Variants in CLPTM1 observed in about 807,000 individuals in gnomAD.
CLPTM1 encodes putative lipid scramblase CLPTM1.
Under a neutral mutation model 77.3 loss-of-function variants are expected in CLPTM1, and 21 were observed. The ratio of observed to expected loss-of-function variants is 0.27; its 90% CI spans 0.19 to 0.39. The LOEUF (loss-of-function observed/expected upper bound fraction) is 0.39. Among genes scored for constraint, CLPTM1 ranks in the 10% least tolerant of loss-of-function variants. The pLI is 1.00. For missense variants in CLPTM1, 642 were observed against 921.2 expected (o/e 0.70, Z 3.92); for synonymous variants, 373 against 381.0 (o/e 0.98, Z 0.24).
At chr19:44,957,470 A>G (rs1208905192) in intron 1 of CLPTM1, among the ~76,000 whole-genome samples, 1 of 152,246 alleles carries the variant, frequency 6.6e-6, no homozygotes, top group Non-Finnish European at 1.5e-5. Flanking sequence ...GCGGATCTTG[A>G]AACAGAGGCT....
In CLPTM1 at chr19:44,992,848, A is replaced by G; in HGVS notation, c.1961A>G (p.Glu654Gly). ...KPTQGASSAS[E>G]PQEAPPKPAE... ...ACCCAGGGGGCCAGCTCTGCCAGCGAGCCCCAGGAAGCCCCTCCAAAGCCA... is the reference window on the plus strand; with the variant it reads ...ACCCAGGGGGCCAGCTCTGCCAGCGGGCCCCAGGAAGCCCCTCCAAAGCCA... The change falls in exon 14 of 14, where the codon GAG becomes GGG. Residue 654 changes from glutamate to glycine, a missense_variant. Glu to Gly is a moderately conservative substitution (Grantham distance 98). Around this residue, in one of 2 missense-constraint regions of CLPTM1, gnomAD observed 521 missense variants for 800.4 expected, o/e 0.65. Transcript: ENST00000337392. This position sits in a 1 kb window ranked among gnomAD's most constrained non-coding sequence, Gnocchi z 7.7. 6.2e-7 allele frequency: 1 copy of G among 1,613,752 alleles called. No homozygotes were observed.
rs778147047 is a variant in CLPTM1, at chr19:44,991,384, C to T, written c.1555+11C>T. The T allele has an allele frequency of 7.5e-6, 12 of 1,609,458 alleles. No homozygotes were observed. The highest frequency in any genetic ancestry group is 3.3e-5 in the Admixed American group (2 of 60,008). ...TCCTGCTGACCTTCGGTGAGCGGTC[C>T]GGCCGCCCCAGGAGAGAGCAGGCCC... On this transcript the variant is annotated intron_variant, in intron 12 of 13. Coordinates refer to ENST00000337392, the MANE Select transcript of CLPTM1 (RefSeq NM_001294.4). This position sits in a 1 kb window ranked among gnomAD's most constrained non-coding sequence, Gnocchi z 5.4.
At position 44,993,124 on chromosome 19, in the gene CLPTM1, G is replaced by A. The variant is rs73938298; in HGVS notation, c.*227G>A. 6.0e-3 allele frequency: 2,966 copies of A among 491,222 alleles called. 50 individuals carry two copies. Among genetic ancestry groups the A allele is most frequent in the African/African-American group, 0.046 (2,179 of 47,104 alleles). 30.4% of individuals were successfully genotyped at this position (491,222 alleles called of 1,614,324 possible). On this transcript the variant is annotated 3_prime_UTR_variant, in exon 14 of 14. Coordinates refer to ENST00000337392, the MANE Select transcript of CLPTM1 (RefSeq NM_001294.4). ...GTCCCTCTGTGTTTCCAGCCATCTC[G>A]CCCTGCCAGCCCAGCACCACTGGGA...
chr19:44,962,290 G>A (rs1970556924), intron 2 of CLPTM1, among the ~76,000 whole-genome samples: 2 of 151,810 alleles, frequency 1.3e-5, no homozygotes, highest in African/African-American at 4.8e-5. Context: ...ACCTGTTCTG[G>A]TTTTTGGGGG....
intron 1 of CLPTM1, among the ~76,000 whole-genome samples, chr19:44,956,751 G>C (rs1212834239): frequency 6.6e-6 from 1 of 152,124 alleles, no homozygotes; most frequent in Non-Finnish European, 1.5e-5. Flanking sequence ...TGTTCTCATT[G>C]CCCTGAGCTT....
At chr19:44,962,668 C>G (rs1166432163) in intron 2 of CLPTM1, among the ~76,000 whole-genome samples, 1 of 152,066 alleles carries the variant, frequency 6.6e-6, no homozygotes, top group African/African-American at 2.4e-5. Flanking sequence ...AATGACTCAC[C>G]CTCATAATCC....
chr19:44,961,648 C>T (rs755886911), intron 1 of CLPTM1, among the ~76,000 whole-genome samples: 2 of 152,160 alleles, frequency 1.3e-5, no homozygotes, highest in Non-Finnish European at 2.9e-5. Context: ...CTCAGGGCTC[C>T]TGCATTCCTG....
chr19:44,986,207 AAG>A (rs1162933873), intron 6 of CLPTM1, among the ~76,000 whole-genome samples: 7 of 151,656 alleles, frequency 4.6e-5, no homozygotes, highest in Admixed American at 4.6e-4. Flanking sequence ...AAAAGAAAGA[AAG>A]AAAAGAAGCT....
chr19:44,974,408 C>T (rs758103078), intron 3 of CLPTM1, 31 bp from the exon 4 acceptor site: 55 of 1,596,302 alleles, frequency 3.4e-5, no homozygotes, highest in Non-Finnish European at 4.4e-5. Context: ...GAAGAGCAGG[C>T]CTGAGCTCTG....
At chr19:44,957,844 G>A (rs111837823) in intron 1 of CLPTM1, among the ~76,000 whole-genome samples, 129 of 152,340 alleles carry the variant, frequency 8.5e-4, no homozygotes, top group African/African-American at 2.8e-3. Flanking sequence ...TGCGAATTGA[G>A]TCTACTCCAT....
intron 9 of CLPTM1, among the ~76,000 whole-genome samples, chr19:44,988,542 G>A (rs575021446): frequency 6.6e-6 from 1 of 152,370 alleles, no homozygotes; most frequent in East Asian, 1.9e-4. Context: ...AGTGGACGGG[G>A]CCTGCCCAAG....
chr19:44,987,291 G>A lies in CLPTM1; in HGVS notation c.906G>A (p.Pro302=), dbSNP rs752486866. ...YPINESLASL[P]LRVSFCPLSL... Reference sequence around the variant, plus strand: ...TCAACGAGAGCCTGGCCAGCCTGCCGCTCCGCGTCTCCTTCTGCCCACTCT... The same window carrying A: ...TCAACGAGAGCCTGGCCAGCCTGCCACTCCGCGTCTCCTTCTGCCCACTCT... The change falls in exon 8 of 14, where the codon CCG becomes CCA. Residue 302 remains proline (P), a synonymous_variant. Coordinates refer to ENST00000337392, the MANE Select transcript of CLPTM1 (RefSeq NM_001294.4). 3.2e-5 allele frequency: 52 copies of A among 1,614,256 alleles called. No homozygotes were observed. The highest frequency in any genetic ancestry group is 3.9e-5 in the Non-Finnish European group (46 of 1,180,042).
intron 6 of CLPTM1, 57 bp downstream of exon 6, chr19:44,985,360 A>C (rs2122319365): frequency 9.2e-4 from 1,107 of 1,199,282 alleles, no homozygotes; most frequent in Non-Finnish European, 1.2e-3. Context: ...TTCACAGCTC[A>C]TCCCAGACCA....
upstream of CLPTM1, chr19:44,954,628 C>G (rs1204662287): frequency 1.9e-6 from 2 of 1,078,856 alleles, no homozygotes; most frequent in Admixed American, 9.7e-5. Context: ...GGGTTTAGAG[C>G]TGTACGAAGA....
At chr19:44,989,610 G>A (rs1229825241) in intron 9 of CLPTM1, among the ~76,000 whole-genome samples, 1 of 152,152 alleles carries the variant, frequency 6.6e-6, no homozygotes, top group East Asian at 1.9e-4. Flanking sequence ...GGGGTAGGGT[G>A]CACATGGACC....
At chr19:44,981,771 C>G (rs1163774157) in intron 5 of CLPTM1, among the ~76,000 whole-genome samples, 1 of 151,356 alleles carries the variant, frequency 6.6e-6, no homozygotes, top group South Asian at 2.1e-4. Context: ...ATTAGCCAGG[C>G]ATGGTGGCAC....
intron 2 of CLPTM1, among the ~76,000 whole-genome samples, chr19:44,963,778 C>G (rs1970583286): frequency 6.6e-6 from 1 of 152,018 alleles, no homozygotes. Flanking sequence ...GCCACCATGC[C>G]CAGCTAATTT....
At chr19:44,986,994 C>A in intron 7 of CLPTM1, 185 bp from the exon 8 acceptor site, 1 of 737,296 alleles carries the variant, frequency 1.4e-6, no homozygotes, top group Non-Finnish European at 2.2e-6. Context: ...CCTGCCTGCC[C>A]TTTGCCTCAG....
chr19:44,965,328 T>C (rs1261133029), intron 2 of CLPTM1, among the ~76,000 whole-genome samples: 3 of 149,654 alleles, frequency 2.0e-5, no homozygotes, highest in Non-Finnish European at 4.4e-5. Flanking sequence ...TGAAACCCCA[T>C]CTCTACTAAA....
Sources: gnomAD v4.1 joint callset for allele counts (sites outside exome capture counted in the v4.1 genomes callset) on GRCh38, gnomAD v4.1.1 for gene constraint, gnomAD v4.1.1 regional missense constraint, Gnocchi (gnomAD v3.1) non-coding constraint, MANE v1.5 for transcripts, NCBI Gene and HGNC (gene_info 2026-07-23, HGNC 2026-07-21) for gene names.